The following TCF7 variants were observed in gnomAD, a reference collection of about 807,000 sequenced individuals.
The protein encoded by TCF7 is T-cell-factor-7.
TCF7 carries 19 observed loss-of-function variants against 46.8 expected under a neutral mutation model. The ratio of observed to expected loss-of-function variants is 0.41; its 90% CI spans 0.28 to 0.60. TCF7 has a LOEUF of 0.60. Among genes scored for constraint, TCF7 ranks in the 20% least tolerant of loss-of-function variants. The pLI, the probability that TCF7 is intolerant of heterozygous loss-of-function variation, is 0.35. For synonymous variants in TCF7, 245 were observed against 213.4 expected (o/e 1.15, Z -1.29); for missense variants, 547 against 504.6 (o/e 1.08, Z -0.81).
Position 134,114,993 on chromosome 5 carries a change from A to G in TCF7, c.87A>G (p.Glu29=). The change falls in exon 1 of 10, where the codon GAA becomes GAG. Residue 29 remains glutamate (E), a synonymous_variant. Coordinates refer to ENST00000342854, the MANE Select transcript of TCF7 (RefSeq NM_003202.5). ...ACGAGCTGCTGGCCTTCCAGGATGAAGGCGAGGAGCAGGACGACAAGAGCC... is the reference window on the plus strand; with the variant it reads ...ACGAGCTGCTGGCCTTCCAGGATGAGGGCGAGGAGCAGGACGACAAGAGCC... ...APDELLAFQD[E]GEEQDDKSRD... is the part of the protein sequence containing the mutation. 2.4e-6 allele frequency: 3 copies of G among 1,234,418 alleles called. No homozygotes were observed. The highest frequency in any genetic ancestry group is 1.6e-5 in the South Asian group (1 of 63,864). 76.5% of individuals were successfully genotyped at this position (1,234,418 alleles called of 1,614,324 possible).
chr5:134,124,584 C>T (rs574123389), intron 3 of TCF7, among the ~76,000 whole-genome samples: 1 of 152,182 alleles, frequency 6.6e-6, no homozygotes, highest in Non-Finnish European at 1.5e-5. Context: ...ACAAAGCCCT[C>T]ACCCCGCAGC....
At position 134,138,083 on chromosome 5, in the gene TCF7, G is replaced by C. The variant is rs748400515; in HGVS notation, c.466G>C (p.Gly156Arg). The C allele has an allele frequency of 3.0e-5, 48 of 1,599,074 alleles. No individual in the cohort carries two copies. The highest frequency in any genetic ancestry group is 3.9e-5 in the Non-Finnish European group (46 of 1,172,836). Residue 156 changes from glycine to arginine, a missense_variant, in exon 4 of 10, where the codon GGT becomes CGT. By Grantham distance (125) the Gly-to-Arg change is moderately radical. Around this residue, in one of 3 missense-constraint regions of TCF7, gnomAD observed 425 missense variants for 349.9 expected, o/e 1.21. Transcript: ENST00000342854. ...GCACAAGGCCAATCAGCCCCCCCAC[G>C]GTGTCCCCCAACTCTCTCTCTACGA... ...PLHKANQPPHGVPQLSLYEHF... is the reference protein window; with the variant it reads ...PLHKANQPPHRVPQLSLYEHF...
At chr5:134,132,515 C>CA (rs1332968209) in intron 3 of TCF7, among the ~76,000 whole-genome samples, 1 of 152,234 alleles carries the variant, frequency 6.6e-6, no homozygotes, top group Non-Finnish European at 1.5e-5. Context: ...CCCTACCCCC[C>CA]ACAGGCTTGA....
chr5:134,124,424 C>G (rs28727387), intron 3 of TCF7, among the ~76,000 whole-genome samples: 22,692 of 152,150 alleles, frequency 0.15, 2,637 homozygotes, highest in African/African-American at 0.32. Context: ...GCTCCTCTTG[C>G]CCAGTTCCCC....
chr5:134,130,791 T>C (rs17167285), intron 3 of TCF7, among the ~76,000 whole-genome samples: 22,916 of 152,036 alleles, frequency 0.15, 2,710 homozygotes, highest in African/African-American at 0.32. Flanking sequence ...TTTAGTGCAG[T>C]CACATTTTCC....
chr5:134,109,973 C>A (rs116235179), upstream of TCF7, among the ~76,000 whole-genome samples: 1 of 152,168 alleles, frequency 6.6e-6, no homozygotes, highest in Non-Finnish European at 1.5e-5. Flanking sequence ...GGCCACTCCA[C>A]GTTTGCCTTC....
chr5:134,112,893 A>G (rs1397041342), upstream of TCF7, among the ~76,000 whole-genome samples: 2 of 152,172 alleles, frequency 1.3e-5, no homozygotes, highest in African/African-American at 4.8e-5. Context: ...GGTGGAACTC[A>G]TGGGTCTGGG....
At chr5:134,114,649 G>A (rs1333018608), upstream of TCF7, 1 of 116,858 alleles carries the variant, frequency 8.6e-6, no homozygotes, top group Non-Finnish European at 1.8e-5. Context: ...CCCCCGGCCC[G>A]GCCCGCCCCC....
upstream of TCF7, among the ~76,000 whole-genome samples, chr5:134,113,423 T>G (rs941238827): frequency 5.3e-5 from 8 of 152,234 alleles, no homozygotes; most frequent in Non-Finnish European, 1.2e-4. Flanking sequence ...CCAGCCACGC[T>G]GGGCCTGGAC....
At chr5:134,144,776 C>T (rs765335299) in intron 9 of TCF7, 2 of 1,611,488 alleles carry the variant, frequency 1.2e-6, no homozygotes, top group Non-Finnish European at 1.7e-6. Context: ...TGCTCTACCC[C>T]TCTGGCATGG....
intron 9 of TCF7, chr5:134,145,643 AAGG>A (rs1268707653): frequency 3.9e-6 from 5 of 1,289,214 alleles, no homozygotes; most frequent in South Asian, 1.3e-5. Context: ...GTCCAAGGGC[AAGG>A]AGGAGTTTGG....
At chr5:134,139,221 C>T (rs531671158) in intron 5 of TCF7, 183 bp downstream of exon 5, 53 of 882,542 alleles carry the variant, frequency 6.0e-5, no homozygotes, top group South Asian at 7.4e-5. Context: ...TCATGTACCC[C>T]GGCCTGCATT....
chr5:134,134,428 C>G (rs1198015947), intron 3 of TCF7, among the ~76,000 whole-genome samples: 2 of 152,256 alleles, frequency 1.3e-5, no homozygotes, highest in African/African-American at 4.8e-5. Flanking sequence ...GGAATGCTTT[C>G]TGGCAGGATC....
At position 134,115,992 on chromosome 5, in the gene TCF7, C is replaced by A. The variant is rs5742913; in HGVS notation, c.400C>A (p.Pro134Thr). ...CAATCTGCTCATGCATTACCCACCC[C>A]CCTCGGGAGCAGGGCAGCACCCCCA... Reference protein sequence around the residue: ...AFNLLMHYPPPSGAGQHPQPQ... With the variant: ...AFNLLMHYPPTSGAGQHPQPQ... Residue 134 changes from proline to threonine, a missense_variant, in exon 3 of 10, where the codon CCC becomes ACC. By Grantham distance (38) the Pro-to-Thr change is conservative. This residue lies in a region of TCF7 where 425 missense variants were observed against 349.9 expected (regional missense o/e 1.21). Coordinates refer to ENST00000342854, the MANE Select transcript of TCF7 (RefSeq NM_003202.5). 0.097 allele frequency: 156,270 copies of A among 1,613,646 alleles called. 8,276 individuals carry two copies. Among genetic ancestry groups the A allele is most frequent in the Non-Finnish European group, 0.11 (129,412 of 1,179,962 alleles).
At chr5:134,138,664 C>T (rs750666506) in intron 4 of TCF7, 13 of 394,758 alleles carry the variant, frequency 3.3e-5, no homozygotes, top group Middle Eastern at 6.8e-4. Flanking sequence ...TGGAGTCCCC[C>T]GAGCAGAGAT....
At chr5:134,145,125 G>A (rs1420987422) in intron 9 of TCF7, 3 of 646,074 alleles carry the variant, frequency 4.6e-6, no homozygotes, top group Non-Finnish European at 5.8e-6. Flanking sequence ...GACTCAAGAA[G>A]GCAGCTCTGA....
chr5:134,143,593 GGAA>G lies in TCF7; in HGVS notation c.1037_1039del (p.Lys346del), dbSNP rs769592337. The G allele has an allele frequency of 1.7e-5, 28 of 1,613,978 alleles. No individual in the cohort carries two copies. Among genetic ancestry groups the G allele is most frequent in the East Asian group, 8.9e-5 (4 of 44,880 alleles). On this transcript the variant is annotated inframe_deletion and splice_region_variant, in exon 9 of 10. Coordinates refer to ENST00000342854, the MANE Select transcript of TCF7 (RefSeq NM_003202.5). ...CATCCCTCCTTTTGTTCCCTGCAGG[GGAA>G]GAAGAAGAGGCGGTCGAGGGAAAAG...
chr5:134,146,040 A>AC (rs1327097937), intron 9 of TCF7, 184 bp from the exon 10 acceptor site: 53 of 1,533,186 alleles, frequency 3.5e-5, no homozygotes, highest in Non-Finnish European at 4.2e-5. Flanking sequence ...TGGGAACTGC[A>AC]CCTGTCCTAG....
intron 9 of TCF7, chr5:134,145,164 A>C: frequency 1.6e-6 from 1 of 619,964 alleles, no homozygotes; most frequent in Non-Finnish European, 3.1e-6. Context: ...GTCCTCAGCA[A>C]ACAGACAGCT....
Sources: gnomAD v4.1 joint callset for allele counts (sites outside exome capture counted in the v4.1 genomes callset) on GRCh38, gnomAD v4.1.1 for gene constraint, gnomAD v4.1.1 regional missense constraint, MANE v1.5 for transcripts, NCBI Gene and HGNC (gene_info 2026-07-23, HGNC 2026-07-21) for gene names.